Variants in KIAA1217 observed in about 807,000 individuals in gnomAD.
KIAA1217 encodes KIAA1217, also known as sickle tail protein homolog.
A neutral mutation model predicts 163.9 loss-of-function variants in KIAA1217; 88 were observed. That is an observed-to-expected ratio of 0.54 (90% CI 0.45 to 0.64). The LOEUF (loss-of-function observed/expected upper bound fraction) is 0.64, where lower values mean the gene tolerates loss of function less well. Ranked by LOEUF, KIAA1217 falls within the 30% of genes least tolerant of loss-of-function variation. The pLI is 0.00. For missense variants in KIAA1217, 2,372 were observed against 2,475.0 expected (o/e 0.96, Z 0.88); for synonymous variants, 903 against 923.1 (o/e 0.98, Z 0.39).
chr10:23,941,800 C>T (rs1843780320), intron 1 of KIAA1217, among the ~76,000 whole-genome samples: 1 of 152,038 alleles, frequency 6.6e-6, no homozygotes. Flanking sequence ...TGTTAGAGGG[C>T]CTTGGTAAAC....
At chr10:23,814,213 AT>A (rs1837214369) in intron 1 of KIAA1217, among the ~76,000 whole-genome samples, 1 of 152,164 alleles carries the variant, frequency 6.6e-6, no homozygotes, top group Admixed American at 6.5e-5. Context: ...AAAAGGAACA[AT>A]TTAAAGGCAA....
At chr10:23,997,137 T>C (rs1222646096) in intron 1 of KIAA1217, among the ~76,000 whole-genome samples, 1 of 152,200 alleles carries the variant, frequency 6.6e-6, no homozygotes, top group Non-Finnish European at 1.5e-5. Flanking sequence ...GCTTTTAGTG[T>C]TTCTTAAGGA....
At chr10:24,038,859 C>T (rs574444685) in intron 2 of KIAA1217, among the ~76,000 whole-genome samples, 190 of 151,004 alleles carry the variant, frequency 1.3e-3, no homozygotes, top group Non-Finnish European at 2.2e-3. Flanking sequence ...TCAGGTGATC[C>T]TCCTGCCTCA....
chr10:24,329,124 GTA>G (rs1049034060), intron 2 of KIAA1217, among the ~76,000 whole-genome samples: 1 of 146,528 alleles, frequency 6.8e-6, no homozygotes, highest in African/African-American at 2.5e-5. Context: ...ATACTGGAGT[GTA>G]TATATATACT....
At chr10:23,907,255 TAGTC>T (rs758702355) in intron 1 of KIAA1217, among the ~76,000 whole-genome samples, 1 of 151,620 alleles carries the variant, frequency 6.6e-6, no homozygotes, top group African/African-American at 2.4e-5. Context: ...AGGGCTGTAT[TAGTC>T]AGGGTTCTGC....
chr10:24,052,663 T>C (rs900571963), intron 2 of KIAA1217, among the ~76,000 whole-genome samples: 1 of 152,166 alleles, frequency 6.6e-6, no homozygotes, highest in Non-Finnish European at 1.5e-5. Flanking sequence ...ATTACATTCA[T>C]TTAAGCAATC....
chr10:24,501,594 C>A (rs546664469), intron 9 of KIAA1217, 49 bp downstream of exon 9: 2 of 1,562,652 alleles, frequency 1.3e-6, no homozygotes, highest in Non-Finnish European at 8.7e-7. Flanking sequence ...TGAGCTCTTC[C>A]TACCTTCCTT....
At chr10:24,414,980 G>T (rs192354685) in intron 3 of KIAA1217, among the ~76,000 whole-genome samples, 1 of 152,284 alleles carries the variant, frequency 6.6e-6, no homozygotes, top group Non-Finnish European at 1.5e-5. Flanking sequence ...GGATTGGAAA[G>T]CTAGGTTTGT....
At chr10:23,982,142 T>C (rs1271137684) in intron 1 of KIAA1217, among the ~76,000 whole-genome samples, 5 of 151,974 alleles carry the variant, frequency 3.3e-5, no homozygotes, top group Non-Finnish European at 7.4e-5. Flanking sequence ...AGTGACATAG[T>C]GCAGTACTAT....
chr10:23,903,582 G>A (rs1006000130), intron 1 of KIAA1217, among the ~76,000 whole-genome samples: 2 of 152,114 alleles, frequency 1.3e-5, no homozygotes, highest in Admixed American at 6.6e-5. Flanking sequence ...AGCAAGGCCT[G>A]TTTGTTCAGA....
Position 24,289,212 on chromosome 10 carries a change from A to T in KIAA1217, c.354+69303A>T, listed in dbSNP as rs1340246177. Among the ~76,000 whole-genome samples the T allele has an allele frequency of 2.6e-5, 4 of 152,282 alleles. No homozygotes were observed. In the East Asian group the frequency reaches 7.7e-4, roughly 29 times the overall value. The stretch of plus-strand genomic sequence containing the variant: ...AACTGGGAGTCCCTGCAAATTTGGG[A>T]AGAGCTGGTTCAGTGGAGGGCACGG... On this transcript the variant is annotated intron_variant, in intron 2 of 20. Transcript: ENST00000376454.
intron 2 of KIAA1217, among the ~76,000 whole-genome samples, chr10:24,220,444 T>TGC (rs1232517284): frequency 1.3e-4 from 18 of 138,478 alleles, no homozygotes; most frequent in South Asian, 6.6e-4. Flanking sequence ...GTTTCTGCTC[T>TGC]TCTTTTTTTT....
At chr10:24,440,263 A>G (rs747347131) in intron 5 of KIAA1217, among the ~76,000 whole-genome samples, 5 of 152,250 alleles carry the variant, frequency 3.3e-5, no homozygotes, top group Admixed American at 6.5e-5. Flanking sequence ...AGTCATGCCA[A>G]TCGTGAAGCA....
At chr10:24,289,433 AGAG>A in intron 2 of KIAA1217, among the ~76,000 whole-genome samples, 1 of 152,288 alleles carries the variant, frequency 6.6e-6, no homozygotes, top group East Asian at 1.9e-4. Context: ...AATAGGGGAA[AGAG>A]GAGGAGAAGG....
At chr10:24,060,769 G>T (rs957151568) in intron 2 of KIAA1217, among the ~76,000 whole-genome samples, 6 of 152,136 alleles carry the variant, frequency 3.9e-5, no homozygotes, top group African/African-American at 1.4e-4. Context: ...CATCTTTGGT[G>T]TCACAAGGAT....
At chr10:24,213,246 C>A (rs2068383601) in intron 1 of KIAA1217, among the ~76,000 whole-genome samples, 1 of 152,194 alleles carries the variant, frequency 6.6e-6, no homozygotes, top group Non-Finnish European at 1.5e-5. Flanking sequence ...ATCATATTCT[C>A]TTTGAAGCCC....
chr10:23,861,797 C>T lies in KIAA1217; in HGVS notation c.-320-145428C>T, dbSNP rs531266721. On this transcript the variant is annotated intron_variant, in intron 1 of 18. Coordinates refer to the KIAA1217 transcript ENST00000376462. ...CAAATTTTTTTCAGCAGATATGAAC[C>T]TGGAAATGGATTCTTCCCCCAGAGC... Among the ~76,000 whole-genome samples the T allele has an allele frequency of 2.0e-5, 3 of 152,238 alleles. No individual in the cohort carries two copies. In the East Asian group the frequency reaches 5.8e-4, roughly 29 times the overall value.
chr10:24,484,934 A>G (rs2065194488), intron 6 of KIAA1217, among the ~76,000 whole-genome samples: 1 of 152,084 alleles, frequency 6.6e-6, no homozygotes, highest in African/African-American at 2.4e-5. Flanking sequence ...ACAGAAAGTG[A>G]ATTGTGAAAT....
At chr10:23,970,952 G>A (rs1845289618) in intron 1 of KIAA1217, among the ~76,000 whole-genome samples, 3 of 152,176 alleles carry the variant, frequency 2.0e-5, no homozygotes, top group Admixed American at 2.0e-4. Flanking sequence ...CAGAAGGAGT[G>A]AAAGTTTATT....
Sources: gnomAD v4.1 joint callset for allele counts (sites outside exome capture counted in the v4.1 genomes callset) on GRCh38, gnomAD v4.1.1 for gene constraint, MANE v1.5 for transcripts, NCBI Gene and HGNC (gene_info 2026-07-23, HGNC 2026-07-21) for gene names.